The following ARHGAP22 variants were observed in gnomAD, a reference collection of about 807,000 sequenced individuals.
ARHGAP22 encodes the protein Rho GTPase activating protein 22.
Under a neutral mutation model 59.1 loss-of-function variants are expected in ARHGAP22, and 48 were observed. The observed-to-expected ratio is 0.81, with a 90% CI of 0.64 to 1.03. ARHGAP22 has a LOEUF of 1.03. Among genes scored for constraint, ARHGAP22 ranks in the 50% least tolerant of loss-of-function variants. The pLI is 0.00. For missense variants in ARHGAP22, 1,015 were observed against 958.7 expected (o/e 1.06, Z -0.78); for synonymous variants, 445 against 416.4 (o/e 1.07, Z -0.84).
intron 3 of ARHGAP22, among the ~76,000 whole-genome samples, chr10:48,499,658 T>G (rs1223273832): frequency 3.9e-5 from 6 of 152,226 alleles, no homozygotes; most frequent in Non-Finnish European, 8.8e-5. Context: ...GAGGGTGAGC[T>G]GTTATTACTC....
chr10:48,523,854 G>T (rs971189092), intron 3 of ARHGAP22, among the ~76,000 whole-genome samples: 8 of 151,970 alleles, frequency 5.3e-5, no homozygotes, highest in African/African-American at 1.9e-4. Context: ...CCCAGGATGC[G>T]CCCCCGCGCC....
intron 1 of ARHGAP22, among the ~76,000 whole-genome samples, chr10:48,614,138 G>A (rs971401752): frequency 6.6e-6 from 1 of 152,194 alleles, no homozygotes; most frequent in Non-Finnish European, 1.5e-5. Context: ...GCATAAAATG[G>A]ACTAAAATAG....
chr10:48,637,665 G>C (rs538621064), intron 1 of ARHGAP22, among the ~76,000 whole-genome samples: 2 of 152,074 alleles, frequency 1.3e-5, no homozygotes, highest in African/African-American at 4.8e-5. Context: ...TAGATGGATG[G>C]TGGATGAGTG....
chr10:48,632,530 C>T (rs930093287), intron 1 of ARHGAP22, among the ~76,000 whole-genome samples: 9 of 152,242 alleles, frequency 5.9e-5, no homozygotes, highest in Non-Finnish European at 1.3e-4. Context: ...TCCCCATACC[C>T]CTGGCTTCTT....
intron 1 of ARHGAP22, among the ~76,000 whole-genome samples, chr10:48,612,552 G>A (rs931860382): frequency 5.9e-5 from 9 of 152,208 alleles, no homozygotes; most frequent in Admixed American, 5.9e-4. Flanking sequence ...CTCTGCAGGG[G>A]TGTCCTCCCC....
intron 9 of ARHGAP22, 43 bp downstream of exon 9, chr10:48,450,218 G>C: frequency 6.3e-7 from 1 of 1,592,062 alleles, no homozygotes; most frequent in Non-Finnish European, 8.5e-7. Flanking sequence ...TCTCCCTGCA[G>C]GCTCCGCCCC....
At chr10:48,592,251 G>C (rs2059804415) in intron 1 of ARHGAP22, among the ~76,000 whole-genome samples, 1 of 152,076 alleles carries the variant, frequency 6.6e-6, no homozygotes, top group Admixed American at 6.6e-5. Flanking sequence ...GAACTCCTGG[G>C]CTCAAGCAAT....
At chr10:48,583,197 T>C in intron 1 of ARHGAP22, 45 bp from the exon 2 acceptor site, 3 of 1,586,524 alleles carry the variant, frequency 1.9e-6, no homozygotes, top group Non-Finnish European at 2.6e-6. Flanking sequence ...GCAGCGTGCC[T>C]GCTATCAGTC....
rs775759871 is a variant in ARHGAP22 at position 48,582,984 on chromosome 10, T to A, written c.203A>T (p.Tyr68Phe). The change falls in exon 2 of 10, where the codon TAC becomes TTC. Residue 68 changes from tyrosine (Y) to phenylalanine (F), a missense_variant. Transcript: ENST00000249601. Reference sequence around the variant, plus strand: ...CTTGATCTCATCTTTGTCCTTGTAGTAGAAAAGCTGATCCCCACGCAGCAC... The same window carrying A: ...CTTGATCTCATCTTTGTCCTTGTAGAAGAAAAGCTGATCCCCACGCAGCAC... The part of the protein sequence containing the change: ...WFVLRGDQLF[Y>F]YKDKDEIKPQ... 1.2e-6 allele frequency: 2 copies of A among 1,614,240 alleles called. No homozygotes were observed. Among genetic ancestry groups the A allele is most frequent in the Non-Finnish European group, 1.7e-6 (2 of 1,180,042 alleles).
intron 2 of ARHGAP22, 122 bp from the exon 3 acceptor site, chr10:48,555,672 C>T (rs7098068): frequency 0.15 from 134,997 of 889,272 alleles, 11,546 homozygotes; most frequent in Admixed American, 0.29. Flanking sequence ...GCTGGGAAGG[C>T]TGGGCCTCAG....
At chr10:48,432,786 A>C in the ARHGAP22 span, among the ~76,000 whole-genome samples, 1 of 152,220 alleles carries the variant, frequency 6.6e-6, no homozygotes. Flanking sequence ...GCACTTGCTT[A>C]TGATCACAAA....
chr10:48,457,295 C>A (rs574051165), intron 5 of ARHGAP22, among the ~76,000 whole-genome samples: 1 of 152,192 alleles, frequency 6.6e-6, no homozygotes, highest in Non-Finnish European at 1.5e-5. Flanking sequence ...GACCTGCCCC[C>A]CAGCCGGGCC....
intron 4 of ARHGAP22, among the ~76,000 whole-genome samples, chr10:48,465,211 C>T (rs1249575535): frequency 2.6e-5 from 4 of 152,244 alleles, no homozygotes; most frequent in African/African-American, 9.6e-5. Flanking sequence ...CCTCGAGGTC[C>T]CAGCCCATGC....
chr10:48,529,527 A>T (rs750115776), intron 3 of ARHGAP22, among the ~76,000 whole-genome samples: 2 of 152,184 alleles, frequency 1.3e-5, no homozygotes, highest in Non-Finnish European at 1.5e-5. Flanking sequence ...GTTGTGCTGC[A>T]AGAACCCCAA....
chr10:48,454,590 G>C (rs1177491805), intron 6 of ARHGAP22, among the ~76,000 whole-genome samples: 1 of 152,202 alleles, frequency 6.6e-6, no homozygotes, highest in Non-Finnish European at 1.5e-5. Context: ...TGTCCTGGGA[G>C]CCAGCTCAAA....
intron 3 of ARHGAP22, among the ~76,000 whole-genome samples, chr10:48,528,583 G>T (rs1003800781): frequency 2.0e-5 from 3 of 152,158 alleles, no homozygotes; most frequent in Non-Finnish European, 4.4e-5. Context: ...CACCTTAGGG[G>T]ACAGCACAGG....
At chr10:48,486,315 C>T (rs770392776) in intron 3 of ARHGAP22, among the ~76,000 whole-genome samples, 1 of 151,308 alleles carries the variant, frequency 6.6e-6, no homozygotes, top group Non-Finnish European at 1.5e-5. Context: ...TATATTGTTG[C>T]TATTTTTATT....
chr10:48,631,885 A>G (rs1435463668), intron 1 of ARHGAP22, among the ~76,000 whole-genome samples: 1 of 152,012 alleles, frequency 6.6e-6, no homozygotes, highest in Non-Finnish European at 1.5e-5. Flanking sequence ...CTCTTTTAAC[A>G]TTTCTTGTAG....
chr10:48,490,920 T>A (rs1168467161), intron 3 of ARHGAP22, among the ~76,000 whole-genome samples: 1 of 152,176 alleles, frequency 6.6e-6, no homozygotes, highest in Non-Finnish European at 1.5e-5. Context: ...TCACCTCTCC[T>A]ATCCATTCCT....
Sources: allele counts gnomAD v4.1 joint callset (sites outside exome capture counted in the v4.1 genomes callset), GRCh38; gene constraint gnomAD v4.1.1; transcripts MANE v1.5; gene names NCBI Gene and HGNC (gene_info 2026-07-23, HGNC 2026-07-21).